Variants in DCP1B observed in about 807,000 individuals in gnomAD.
DCP1B encodes the protein decapping mRNA 1B, also known as mRNA-decapping enzyme 1B.
In DCP1B, 47 loss-of-function variants were observed where a neutral mutation model predicts 60.5. The ratio of observed to expected loss-of-function variants is 0.78; its 90% CI spans 0.61 to 0.99. The LOEUF is 0.99. Among genes scored for constraint, DCP1B ranks in the 50% least tolerant of loss-of-function variants. The probability of loss-of-function intolerance (pLI) is 0.00; values close to 1 mark genes in which losing one functional copy is unlikely to be tolerated. For synonymous variants in DCP1B, 267 were observed against 280.3 expected, an observed-to-expected ratio of 0.95 and a Z score of 0.47; for missense variants, 725 against 756.8, an observed-to-expected ratio of 0.96 and a Z score of 0.49.
chr12:1,994,753 C>A (rs2040392060), intron 2 of DCP1B, among the ~76,000 whole-genome samples: 1 of 152,300 alleles, frequency 6.6e-6, no homozygotes, highest in East Asian at 1.9e-4. Context: ...TTCATTATCA[C>A]AACAGGATCT....
At chr12:1,984,645 C>A (rs2037120329) in intron 3 of DCP1B, among the ~76,000 whole-genome samples, 1 of 151,806 alleles carries the variant, frequency 6.6e-6, no homozygotes. Flanking sequence ...AAAAATAAAT[C>A]TTTTGTAATT....
At chr12:1,942,834 GAAGA>G, downstream of DCP1B, among the ~76,000 whole-genome samples, 1 of 152,264 alleles carries the variant, frequency 6.6e-6, no homozygotes, top group South Asian at 2.1e-4. Context: ...AATGCCTGCA[GAAGA>G]AAGCGGGAAT....
At chr12:1,949,810 A>G (rs965371155) in intron 7 of DCP1B, among the ~76,000 whole-genome samples, 1 of 152,010 alleles carries the variant, frequency 6.6e-6, no homozygotes, top group African/African-American at 2.4e-5. Context: ...GTGGGGAGGG[A>G]GAGTGATGTG....
chr12:1,943,643 A>G (rs949623389), downstream of DCP1B, among the ~76,000 whole-genome samples: 1 of 152,216 alleles, frequency 6.6e-6, no homozygotes, highest in African/African-American at 2.4e-5. Context: ...ACATACACAA[A>G]CCAATAAACG....
Position 1,950,217 on chromosome 12 carries a change from CT to C in DCP1B, c.1525-884del, listed in dbSNP as rs2030612749. On this transcript the variant is annotated intron_variant, in intron 7 of 8. Transcript: ENST00000280665. ...AGCGTCTCTTTGAGCAAAAGTTGGC[CT>C]AGAGGAAGGCAGGCTGTTTCTTTTA... 1.4e-5 allele frequency: 9 copies of C among 630,412 alleles called. No individual in the cohort carries two copies. In the South Asian group the frequency reaches 1.6e-4, roughly 11 times the overall value. 39.1% of individuals were successfully genotyped at this position (630,412 alleles called of 1,614,324 possible).
chr12:1,954,994 G>C (rs2030828453), intron 6 of DCP1B, among the ~76,000 whole-genome samples: 2 of 152,130 alleles, frequency 1.3e-5, no homozygotes, highest in Admixed American at 6.5e-5. Flanking sequence ...CTCCAGAGCA[G>C]CTAGCACTAC....
In DCP1B at chr12:1,971,410, A is replaced by C. The variant is rs541350571; in HGVS notation, c.320-3500T>G. ...TCTTTGGAAATTCTCAATTGAAAAA[A>C]AGTGATGTTTGAGGCAACAGGCAAT... On this transcript the variant is annotated intron_variant, in intron 3 of 8. Transcript: ENST00000280665. The surrounding 1 kb of genome is among the most constrained non-coding windows in gnomAD (Gnocchi z 4.2). Among the ~76,000 whole-genome samples, 1 of 152,324 alleles carries C rather than the reference A, an allele frequency of 6.6e-6. No individual in the cohort carries two copies. The highest frequency in any genetic ancestry group is 1.9e-4 in the East Asian group (1 of 5,192).
downstream of DCP1B, among the ~76,000 whole-genome samples, chr12:1,945,036 T>G (rs1040450327): frequency 1.3e-5 from 2 of 152,212 alleles, no homozygotes; most frequent in Non-Finnish European, 2.9e-5. Context: ...TCTGCCCATC[T>G]GACAAAGGGC....
intron 3 of DCP1B, among the ~76,000 whole-genome samples, chr12:1,979,462 C>A (rs2035470298): frequency 6.6e-6 from 1 of 151,968 alleles, no homozygotes; most frequent in Admixed American, 6.6e-5. Flanking sequence ...CAGGGGCCTG[C>A]CACCATGCCT....
Position 2,004,425 on chromosome 12 carries a change from C to G in DCP1B, c.7G>C (p.Ala3Pro), listed in dbSNP as rs539589278. Residue 3 changes from alanine (A) to proline (P), a missense_variant, in exon 1 of 9, where the codon GCC becomes CCC. Transcript: ENST00000280665. Reference sequence around the variant, plus strand: ...CCCACCAGGCCGCCTGCCGCCACGGCTGCCATCTTCCCTCCCTCCCAGACA... The same window carrying G: ...CCCACCAGGCCGCCTGCCGCCACGGGTGCCATCTTCCCTCCCTCCCAGACA... The part of the protein sequence containing the change: MA[A>P]VAAGGLVGKG... 6 of 1,608,994 alleles carry G rather than the reference C, an allele frequency of 3.7e-6. No individual in the cohort carries two copies. The East Asian group carries it at 1.1e-4, about 30-fold the overall frequency.
intron 5 of DCP1B, among the ~76,000 whole-genome samples, chr12:1,960,090 T>G (rs527236646): frequency 1.3e-5 from 2 of 152,344 alleles, no homozygotes; most frequent in South Asian, 4.1e-4. Flanking sequence ...GATAGCTGCA[T>G]TCCTGTGTTC....
chr12:1,979,888 G>A (rs2154464066), intron 3 of DCP1B, among the ~76,000 whole-genome samples: 1 of 152,230 alleles, frequency 6.6e-6, no homozygotes, highest in African/African-American at 2.4e-5. Flanking sequence ...GCTCAATACA[G>A]TCTGTTGTTA....
In DCP1B at chr12:1,952,686, T is replaced by G. The variant is rs770919496; in HGVS notation, c.1254A>C (p.Gly418=). 6.2e-7 allele frequency: 1 copy of G among 1,614,158 alleles called. No individual in the cohort carries two copies. Among genetic ancestry groups the G allele is most frequent in the East Asian group, 2.2e-5 (1 of 44,868 alleles). The change falls in exon 7 of 9, where the codon GGA becomes GGC. Residue 418 remains glycine, a synonymous_variant. Coordinates refer to ENST00000280665, the MANE Select transcript of DCP1B (RefSeq NM_152640.5). ...ACTGTTCTCTTCCATGAGCCTGATG[T>G]CCTACTGTCTGAGGTGGAAGGGAGC... ...FNGSLPPQTV[G]HQAHGREQST...
chr12:1,993,472 T>A (rs897303913), intron 2 of DCP1B, 81 bp from the exon 3 acceptor site: 195 of 1,526,154 alleles, frequency 1.3e-4, no homozygotes, highest in Non-Finnish European at 1.7e-4. Context: ...TACATTCTGA[T>A]GTGTCTCTCA....
chr12:1,993,358 C>T lies in DCP1B; in HGVS notation c.225G>A (p.Met75Ile). ...SASPKHGFTI[M>I]NRLSMENRTE... The stretch of plus-strand genomic sequence containing the variant: ...TCCTATTTTCCATGCTCAGCCTATT[C>T]ATAATGGTGAATCCATGCTTTGGAG... The change falls in exon 3 of 9, where the codon ATG becomes ATA. Residue 75 changes from methionine (M) to isoleucine (I), a missense_variant. Transcript: ENST00000280665. The T allele has an allele frequency of 6.2e-7, 1 of 1,613,658 alleles. No homozygotes were observed. Among genetic ancestry groups the T allele is most frequent in the Non-Finnish European group, 8.5e-7 (1 of 1,179,644 alleles).
chr12:1,952,269 G>T, intron 7 of DCP1B, 147 bp downstream of exon 7: 1 of 991,962 alleles, frequency 1.0e-6, no homozygotes, highest in Non-Finnish European at 1.4e-6. Flanking sequence ...CGCCTCTTGA[G>T]CTCAAGGGAT....
In DCP1B at chr12:1,949,119, G is replaced by C. The variant is rs773023576; in HGVS notation, c.1740C>G (p.Leu580=). 6.2e-7 allele frequency: 1 copy of C among 1,614,108 alleles called. No individual in the cohort carries two copies. Among genetic ancestry groups the C allele is most frequent in the Non-Finnish European group, 8.5e-7 (1 of 1,179,982 alleles). ...SVITSSPLTK[L]QLQEALLYLI... Reference sequence around the variant, plus strand: ...GGTACAGCAGTGCCTCCTGGAGCTGGAGCTTGGTGAGTGGGCTGCTGGTGA... The same window carrying C: ...GGTACAGCAGTGCCTCCTGGAGCTGCAGCTTGGTGAGTGGGCTGCTGGTGA... Residue 580 remains leucine (L), a synonymous_variant, in exon 8 of 9, where the codon CTC becomes CTG. Coordinates refer to ENST00000280665, the MANE Select transcript of DCP1B (RefSeq NM_152640.5).
At chr12:1,951,010 G>A (rs910174725) in intron 7 of DCP1B, among the ~76,000 whole-genome samples, 3 of 152,140 alleles carry the variant, frequency 2.0e-5, no homozygotes, top group East Asian at 1.9e-4. Context: ...AGTGGCTCAC[G>A]ACTGTAATCC....
At chr12:1,985,873 C>T (rs1037276053) in intron 3 of DCP1B, among the ~76,000 whole-genome samples, 30 of 151,990 alleles carry the variant, frequency 2.0e-4, no homozygotes, top group Non-Finnish European at 3.7e-4. Flanking sequence ...TGCAGTGGTG[C>T]GATCTTGGCT....
Sources: allele counts gnomAD v4.1 joint callset (sites outside exome capture counted in the v4.1 genomes callset), GRCh38; gene constraint gnomAD v4.1.1; non-coding constraint Gnocchi (gnomAD v3.1); transcripts MANE v1.5; gene names NCBI Gene and HGNC (gene_info 2026-07-23, HGNC 2026-07-21).